Variants in CPNE8 observed in about 807,000 individuals in gnomAD.
CPNE8 encodes copine 8, also known as copine-8.
In CPNE8, 45 loss-of-function variants were observed where a neutral mutation model predicts 81.5. The ratio of observed to expected loss-of-function variants is 0.55; its 90% CI spans 0.44 to 0.71. CPNE8 has a LOEUF of 0.71. Ranked by LOEUF, CPNE8 falls within the 30% of genes least tolerant of loss-of-function variation. The probability of loss-of-function intolerance (pLI) is 0.00; values close to 1 mark genes in which losing one functional copy is unlikely to be tolerated. For missense variants in CPNE8, 594 were observed against 672.1 expected (o/e 0.88, Z 1.28); for synonymous variants, 252 against 226.3 (o/e 1.11, Z -1.02).
intron 18 of CPNE8, among the ~76,000 whole-genome samples, chr12:38,675,078 A>G (rs886663998): frequency 2.0e-5 from 3 of 152,204 alleles, no homozygotes; most frequent in Non-Finnish European, 4.4e-5. Flanking sequence ...TTGTCTCTTA[A>G]TGGGCATTTG....
At position 38,848,613 on chromosome 12, in the gene CPNE8, C is replaced by T; in HGVS notation, c.236G>A (p.Arg79Lys). The T allele has an allele frequency of 6.3e-7, 1 of 1,595,388 alleles. No individual in the cohort carries two copies. The highest frequency in any genetic ancestry group is 8.5e-7 in the Non-Finnish European group (1 of 1,174,846). The change falls in exon 4 of 20, where the codon AGA becomes AAA. Residue 79 changes from arginine (R) to lysine (K), a missense_variant. Coordinates refer to ENST00000331366, the MANE Select transcript of CPNE8 (RefSeq NM_153634.3). The stretch of plus-strand genomic sequence containing the variant: ...AAAAAAGTAGTCCAGAATAAACTTT[C>T]TTACAAAATCAGGATTTAAAGTATT... ...IDNTLNPDFV[R>K]KFILDYFFEE...
At chr12:38,683,521 GA>G (rs1173878474) in intron 16 of CPNE8, among the ~76,000 whole-genome samples, 2 of 152,044 alleles carry the variant, frequency 1.3e-5, no homozygotes, top group Middle Eastern at 3.4e-3. Flanking sequence ...TCTTAATAGA[GA>G]AAAAAATAGT....
chr12:38,718,721 T>G (rs1183891301), intron 13 of CPNE8, among the ~76,000 whole-genome samples: 1 of 152,240 alleles, frequency 6.6e-6, no homozygotes, highest in Non-Finnish European at 1.5e-5. Context: ...CTTGCATATC[T>G]ATACACAAAT....
chr12:38,784,113 A>G (rs1942116967), intron 6 of CPNE8, among the ~76,000 whole-genome samples: 1 of 152,240 alleles, frequency 6.6e-6, no homozygotes, highest in Non-Finnish European at 1.5e-5. Context: ...ACTCAAATTG[A>G]AGATGACACA....
intron 11 of CPNE8, among the ~76,000 whole-genome samples, chr12:38,729,673 G>A (rs1187907461): frequency 6.6e-6 from 1 of 151,924 alleles, no homozygotes; most frequent in Admixed American, 6.6e-5. Flanking sequence ...ATCCACATAC[G>A]TTAAATTTTA....
At chr12:38,884,574 G>A (rs767807414) in intron 1 of CPNE8, among the ~76,000 whole-genome samples, 5 of 152,088 alleles carry the variant, frequency 3.3e-5, no homozygotes, top group Non-Finnish European at 7.4e-5. Context: ...GGGTCCTATG[G>A]TAACACTATT....
At chr12:38,766,379 C>G (rs1941690043) in intron 8 of CPNE8, among the ~76,000 whole-genome samples, 1 of 152,084 alleles carries the variant, frequency 6.6e-6, no homozygotes, top group Admixed American at 6.5e-5. Context: ...TTCGAAATGC[C>G]TGGCAAATAT....
intron 1 of CPNE8, among the ~76,000 whole-genome samples, chr12:38,883,555 A>C (rs1430911799): frequency 6.6e-6 from 1 of 152,176 alleles, no homozygotes; most frequent in East Asian, 1.9e-4. Flanking sequence ...AATAGTCAAT[A>C]ATTCTCCTGG....
At chr12:38,793,692 T>A (rs1334571747) in intron 6 of CPNE8, among the ~76,000 whole-genome samples, 1 of 151,734 alleles carries the variant, frequency 6.6e-6, no homozygotes, top group African/African-American at 2.4e-5. Flanking sequence ...CCAATGGCAT[T>A]TTTTTGCAGA....
At position 38,807,796 on chromosome 12, in the gene CPNE8, G is replaced by A. The variant is rs374783110; in HGVS notation, c.407+21583C>T. 1.6e-3 allele frequency among the ~76,000 whole-genome samples: 241 copies of A among 151,794 alleles called. 1 individual carries two copies. Among genetic ancestry groups the A allele is most frequent in the African/African-American group, 5.0e-3 (205 of 41,392 alleles). On this transcript the variant is annotated intron_variant, in intron 6 of 19. Coordinates refer to ENST00000331366, the MANE Select transcript of CPNE8 (RefSeq NM_153634.3). ...GAGCTTCTGCACAGCAAAAGAAACT[G>A]CCATCAGAGTGAACAGGCAACCTAC...
intron 13 of CPNE8, among the ~76,000 whole-genome samples, chr12:38,709,489 G>A (rs367946677): frequency 2.0e-5 from 3 of 152,066 alleles, no homozygotes; most frequent in East Asian, 1.9e-4. Context: ...CATGATTCAC[G>A]TGATCTTGAA....
In CPNE8 at chr12:38,703,792, T is replaced by C. The variant is rs368604364; in HGVS notation, c.915-871A>G. ...TACAAAAATCAGTAGCTTGTTTATA[T>C]ACCAATAATGTTCAAGCTGAGGGCC... On this transcript the variant is annotated intron_variant, in intron 13 of 19. Coordinates refer to ENST00000331366, the MANE Select transcript of CPNE8 (RefSeq NM_153634.3). Among the ~76,000 whole-genome samples the C allele has an allele frequency of 1.2e-4, 18 of 152,208 alleles. 1 individual carries two copies. The South Asian group carries it at 1.4e-3, about 12-fold the overall frequency.
At chr12:38,878,032 C>CA (rs1253798735) in intron 1 of CPNE8, among the ~76,000 whole-genome samples, 1 of 152,308 alleles carries the variant, frequency 6.6e-6, no homozygotes, top group African/African-American at 2.4e-5. Context: ...CTCACTGCTA[C>CA]ACTCCCACCC....
intron 18 of CPNE8, among the ~76,000 whole-genome samples, chr12:38,673,962 T>C (rs901106888): frequency 2.0e-5 from 3 of 152,086 alleles, no homozygotes; most frequent in Non-Finnish European, 4.4e-5. Context: ...GGGAATGTGA[T>C]TGTCCACAGG....
At chr12:38,801,170 C>T (rs1179789141) in intron 6 of CPNE8, among the ~76,000 whole-genome samples, 37 of 33,034 alleles carry the variant, frequency 1.1e-3, no homozygotes, top group Non-Finnish European at 1.8e-3. Context: ...CACAAAGATA[C>T]TCCTCGAGAA....
chr12:38,680,653 C>G (rs2136653979), intron 16 of CPNE8, among the ~76,000 whole-genome samples: 1 of 152,120 alleles, frequency 6.6e-6, no homozygotes, highest in South Asian at 2.1e-4. Flanking sequence ...GGAAATGACA[C>G]TACTGTCACC....
chr12:38,905,710 G>C (rs986496032), upstream of CPNE8: 36 of 1,442,538 alleles, frequency 2.5e-5, no homozygotes, highest in Non-Finnish European at 3.1e-5. Flanking sequence ...GCAGAGCCAC[G>C]AGGGAACCGC....
At chr12:38,727,110 G>C (rs79180528) in intron 11 of CPNE8, among the ~76,000 whole-genome samples, 2,463 of 152,196 alleles carry the variant, frequency 0.016, 59 homozygotes, top group African/African-American at 0.056. Flanking sequence ...GAGAACACTA[G>C]CAAAAATTGT....
Position 38,874,451 on chromosome 12 carries a change from G to A in CPNE8, c.139+20C>T, listed in dbSNP as rs1944038810. The A allele has an allele frequency of 6.3e-7, 1 of 1,577,066 alleles. No homozygotes were observed. Among genetic ancestry groups the A allele is most frequent in the African/African-American group, 1.4e-5 (1 of 73,954 alleles). On this transcript the variant is annotated intron_variant, in intron 2 of 19. Coordinates refer to ENST00000331366, the MANE Select transcript of CPNE8 (RefSeq NM_153634.3). ...TGCAAAATCAAATGATTTTTCAAAAGGCAAGCAATACATACTTACTTGGAT... is the reference window on the plus strand; with the variant it reads ...TGCAAAATCAAATGATTTTTCAAAAAGCAAGCAATACATACTTACTTGGAT...
Sources: gnomAD v4.1 joint callset for allele counts (sites outside exome capture counted in the v4.1 genomes callset) on GRCh38, gnomAD v4.1.1 for gene constraint, MANE v1.5 for transcripts, NCBI Gene and HGNC (gene_info 2026-07-23, HGNC 2026-07-21) for gene names.